TFE3: variants seen among roughly 807,000 people sequenced by gnomAD.
The protein encoded by TFE3 is transcription factor E3.
TFE3 carries 5 observed loss-of-function variants against 35.0 expected under a neutral mutation model. The observed-to-expected ratio is 0.14, with a 90% confidence interval of 0.07 to 0.30. TFE3 has a LOEUF of 0.30. Ranked by LOEUF, TFE3 falls within the 10% of genes least tolerant of loss-of-function variation. The pLI, the probability that TFE3 is intolerant of heterozygous loss-of-function variation, is 1.00. For missense variants in TFE3, 374 were observed against 496.6 expected, an observed-to-expected ratio of 0.75 and a Z score of 2.35; for synonymous variants, 211 against 215.6, an observed-to-expected ratio of 0.98 and a Z score of 0.18.
chrX:49,034,750 T>C (rs1557074363), intron 5 of TFE3, among the ~76,000 whole-genome samples: 1 of 111,872 alleles, frequency 8.9e-6, no homozygotes, highest in East Asian at 2.8e-4. Context: ...AATCTGGCCT[T>C]CTGGAGAATT....
At chrX:49,033,862 A>G (rs2064713589) in intron 6 of TFE3, 80 bp from the exon 7 acceptor site, 20 of 1,067,325 alleles carry the variant, frequency 1.9e-5, no homozygotes, top group Non-Finnish European at 2.5e-5. Flanking sequence ...AGGGTTTGGT[A>G]GCCAAAAGCA....
In TFE3 at chrX:49,033,352, G is replaced by A; in HGVS notation, c.1136+113C>T. 4.5e-6 allele frequency: 3 copies of A among 664,019 alleles called. No individual in the cohort carries two copies. The South Asian group carries it at 7.8e-5, about 17-fold the overall frequency. The allele number at this position is 664,019 out of a possible 1,213,427, so 54.7% of individuals were successfully genotyped here. On this transcript the variant is annotated intron_variant, in intron 8 of 9. Transcript: ENST00000315869. Reference sequence around the variant, plus strand: ...GCTCAGGCTGAGAAAGAACCAGACAGAGGAGAAATGCCTGGGCCGAGACTG... The same window carrying A: ...GCTCAGGCTGAGAAAGAACCAGACAAAGGAGAAATGCCTGGGCCGAGACTG...
rs782111544 is a variant in TFE3, at chrX:49,031,085, A to AAAATAAATAAAT, written c.1284+300_1284+311dup. Among the ~76,000 whole-genome samples, 855 of 101,997 alleles carry AAAATAAATAAAT rather than the reference A, an allele frequency of 8.4e-3. 14 individuals carry two copies. Among genetic ancestry groups the AAAATAAATAAAT allele is most frequent in the African/African-American group, 0.029 (827 of 28,164 alleles). 88.6% of individuals were successfully genotyped at this position (101,997 alleles called of 115,157 possible). A position where few individuals can be genotyped will look rare whatever the true frequency, so the allele number is the denominator to read the frequency against. On this transcript the variant is annotated intron_variant, in intron 9 of 9. Coordinates refer to ENST00000315869, the MANE Select transcript of TFE3 (RefSeq NM_006521.6). The stretch of plus-strand genomic sequence containing the variant: ...GGGCAACGAGCGAAACTCCATCTCA[A>AAAATAAATAAAT]AAATAAATAAATAAATAAATAAAAT...
chrX:49,038,396 G>A lies in TFE3; in HGVS notation c.581C>T (p.Ala194Val). 1 of 1,202,970 alleles carries A rather than the reference G, an allele frequency of 8.3e-7. No homozygotes were observed. The highest frequency in any genetic ancestry group is 1.1e-6 in the Non-Finnish European group (1 of 893,579). Residue 194 changes from alanine (A) to valine (V), a missense_variant, in exon 4 of 10, where the codon GCG (alanine) becomes GTG (valine). Coordinates refer to ENST00000315869, the MANE Select transcript of TFE3 (RefSeq NM_006521.6). Reference sequence around the variant, plus strand: ...GTACTGTTTCACCTGCTGCCGGCGCGCCTGCTGCAGGTGGTAGCGCGTTGG... The same window carrying A: ...GTACTGTTTCACCTGCTGCCGGCGCACCTGCTGCAGGTGGTAGCGCGTTGG... ...ENPTRYHLQQ[A>V]RRQQVKQYLS...
In TFE3 at chrX:49,030,431, C is replaced by A. The variant is rs1218432951; in HGVS notation, c.1455G>T (p.Gln485His). ...ATFHVGGGPA[Q>H]NAPHQQPPAP... is the part of the protein sequence containing the mutation. ...CAGGGGGCTGCTGATGGGGAGCATT[C>A]TGGGCAGGTCCCCCCCCTACATGGA... The change falls in exon 10 of 10, where the codon CAG (glutamine) becomes CAT (histidine). Residue 485 changes from glutamine to histidine, a missense_variant. Around this residue, in one of 3 missense-constraint regions of TFE3, gnomAD observed 117 missense variants for 111.9 expected, o/e 1.05. Coordinates refer to ENST00000315869, the MANE Select transcript of TFE3 (RefSeq NM_006521.6). 1.7e-6 allele frequency: 2 copies of A among 1,209,225 alleles called. No individual in the cohort carries two copies. Among genetic ancestry groups the A allele is most frequent in the African/African-American group, 1.8e-5 (1 of 56,908 alleles).
At position 49,038,190 on chromosome X, in the gene TFE3, C is replaced by G; in HGVS notation, c.780+7G>C. On this transcript the variant is annotated splice_region_variant and intron_variant, in intron 4 of 9. Transcript: ENST00000315869. ...ATGTGGGAGGAGGTTTGGCTGTAGC[C>G]TCTTACCTCCTTCTCTGAGCTGGAC... 8.3e-7 allele frequency: 1 copy of G among 1,211,933 alleles called. No individual in the cohort carries two copies. The highest frequency in any genetic ancestry group is 1.1e-6 in the Non-Finnish European group (1 of 895,556).
chrX:49,043,087 T>TCCCAGC, intron 1 of TFE3, 24 bp downstream of exon 1: 1 of 1,122,554 alleles, frequency 8.9e-7, no homozygotes, highest in Non-Finnish European at 1.2e-6. Context: ...CAGTCGGCAC[T>TCCCAGC]CCCAGCCCCA....
rs2064691282 is a variant in TFE3 at position 49,030,253 on chromosome X, G to A, written c.1633C>T (p.Arg545Trp). The stretch of plus-strand genomic sequence containing the variant: ...GAGAGCAGGGGATCGGAGGCAGCCC[G>A]CAGTGGGGACAGGGCACCCCCCGAC... ...GLSGGALSPL[R>W]AASDPLLSSV... Residue 545 changes from arginine to tryptophan, a missense_variant, in exon 10 of 10, where the codon CGG becomes TGG. By Grantham distance (101) the Arg-to-Trp change is moderately radical. Coordinates refer to ENST00000315869, the MANE Select transcript of TFE3 (RefSeq NM_006521.6). The A allele has an allele frequency of 5.0e-6, 6 of 1,207,251 alleles. No individual in the cohort carries two copies. Among genetic ancestry groups the A allele is most frequent in the South Asian group, 1.8e-5 (1 of 56,516 alleles).
At chrX:49,042,897 G>A (rs1557075914) in intron 1 of TFE3, among the ~76,000 whole-genome samples, 1 of 111,830 alleles carries the variant, frequency 8.9e-6, no homozygotes, top group African/African-American at 3.2e-5. Context: ...ACCTGACCCA[G>A]ACCCCGCTTA....
At chrX:49,041,951 G>T (rs928836873) in intron 1 of TFE3, among the ~76,000 whole-genome samples, 2 of 111,251 alleles carry the variant, frequency 1.8e-5, no homozygotes, top group Middle Eastern at 4.2e-3. Flanking sequence ...CACCCAGGAA[G>T]TTGGGAAGAG....
At chrX:49,030,834 A>T (rs1557073607) in intron 9 of TFE3, among the ~76,000 whole-genome samples, 2 of 111,437 alleles carry the variant, frequency 1.8e-5, no homozygotes, top group Non-Finnish European at 3.8e-5. Flanking sequence ...TCACGCCTGT[A>T]ATCACTTTGG....
chrX:49,031,430 C>T lies in TFE3; in HGVS notation c.1251G>A (p.Glu417=). Residue 417 remains glutamate, a synonymous_variant, in exon 9 of 10, where the codon GAG becomes GAA. Coordinates refer to ENST00000315869, the MANE Select transcript of TFE3 (RefSeq NM_006521.6). ...GGAGCTGCAGGCTGCGGTTGGCCTG[C>T]TCCAGGGATCGCTGCCGGCTCTCCA... The part of the protein sequence containing the change: ...KDLESRQRSL[E]QANRSLQLRI... The T allele has an allele frequency of 8.3e-7, 1 of 1,204,050 alleles. No individual in the cohort carries two copies. The highest frequency in any genetic ancestry group is 1.8e-5 in the South Asian group (1 of 55,801).
At chrX:49,035,832 A>G (rs1403170843) in intron 5 of TFE3, among the ~76,000 whole-genome samples, 6 of 111,113 alleles carry the variant, frequency 5.4e-5, no homozygotes, top group African/African-American at 2.0e-4. Context: ...CATCCTATTG[A>G]TAAGTTGGAA....
chrX:49,030,625 C>T (rs2064694892), intron 9 of TFE3, 24 bp from the exon 10 acceptor site: 1 of 1,164,429 alleles, frequency 8.6e-7, no homozygotes, highest in Non-Finnish European at 1.2e-6. Context: ...GGGTTGGGTG[C>T]AGGATAAGTA....
chrX:49,031,437 G>C lies in TFE3; in HGVS notation c.1244C>G (p.Ser415Cys). Reference protein sequence around the residue: ...RSKDLESRQRSLEQANRSLQL... With the variant: ...RSKDLESRQRCLEQANRSLQL... ...CAGGCTGCGGTTGGCCTGCTCCAGG[G>C]ATCGCTGCCGGCTCTCCAGGTCTTT... is the stretch of plus-strand genomic sequence containing the variant. The change falls in exon 9 of 10, where the codon TCC (serine) becomes TGC (cysteine). Residue 415 changes from serine to cysteine, a missense_variant. This residue lies in a region of TFE3 where 167 missense variants were observed against 297.2 expected (regional missense o/e 0.56). Transcript: ENST00000315869. 8.3e-7 allele frequency: 1 copy of C among 1,203,367 alleles called. No homozygotes were observed. The highest frequency in any genetic ancestry group is 1.1e-6 in the Non-Finnish European group (1 of 891,074).
chrX:49,038,639 C>T (rs1167939281), intron 3 of TFE3, among the ~76,000 whole-genome samples, 197 bp from the exon 4 acceptor site: 1 of 110,537 alleles, frequency 9.0e-6, no homozygotes, highest in Non-Finnish European at 1.9e-5. Context: ...TCTCAGAAAT[C>T]CTTCACAGCT....
At chrX:49,042,962 A>T (rs2064767054) in intron 1 of TFE3, 149 bp downstream of exon 1, 1 of 417,237 alleles carries the variant, frequency 2.4e-6, no homozygotes, top group African/African-American at 2.6e-5. Context: ...CCACTGCCGG[A>T]TTCCTTAGGT....
chrX:49,033,926 G>T, intron 6 of TFE3, 144 bp from the exon 7 acceptor site: 1 of 731,874 alleles, frequency 1.4e-6, no homozygotes, highest in Non-Finnish European at 2.0e-6. Flanking sequence ...AAGCCATGGT[G>T]ATAGGCTGGT....
At chrX:49,035,695 C>T (rs375959057) in intron 5 of TFE3, among the ~76,000 whole-genome samples, 5 of 109,195 alleles carry the variant, frequency 4.6e-5, no homozygotes, top group Admixed American at 9.9e-5. Context: ...GTGTGAGCCA[C>T]CGTGCCTGGC....
Sources: gnomAD v4.1 joint callset for allele counts (sites outside exome capture counted in the v4.1 genomes callset) on GRCh38, gnomAD v4.1.1 for gene constraint, gnomAD v4.1.1 regional missense constraint, MANE v1.5 for transcripts, NCBI Gene and HGNC (gene_info 2026-07-23, HGNC 2026-07-21) for gene names.